The following APLF variants were observed in gnomAD, a reference collection of about 807,000 sequenced individuals.
APLF encodes aprataxin and PNK-like factor.
A neutral mutation model predicts 55.6 loss-of-function variants in APLF; 61 were observed. The ratio of observed to expected loss-of-function variants is 1.10; its 90% CI spans 0.89 to 1.36. The LOEUF is 1.36. Ranked by LOEUF, APLF falls within the 40% of genes most tolerant of loss-of-function variation. APLF has a pLI of 0.00. For missense variants in APLF, 611 were observed against 602.5 expected (o/e 1.01, Z -0.15); for synonymous variants, 207 against 214.8 (o/e 0.96, Z 0.32).
At position 68,518,764 on chromosome 2, in the gene APLF, TTAA is replaced by T. The variant is rs570646064; in HGVS notation, c.622+5090_622+5092del. ...TATATCATTAATATATAATAAAATA[TTAA>T]TAATATATCATTATATAATAAAATA... On this transcript the variant is annotated intron_variant, in intron 5 of 9. Transcript: ENST00000303795. Among the ~76,000 whole-genome samples the T allele has an allele frequency of 7.5e-3, 862 of 115,408 alleles. 10 individuals carry two copies. Among genetic ancestry groups the T allele is most frequent in the African/African-American group, 0.028 (804 of 28,484 alleles). 75.7% of individuals were successfully genotyped at this position (115,408 alleles called of 152,430 possible).
intron 9 of APLF, among the ~76,000 whole-genome samples, chr2:68,567,751 C>T (rs1025430735): frequency 1.5e-4 from 23 of 152,028 alleles, no homozygotes; most frequent in African/African-American, 5.6e-4. Flanking sequence ...TTAATAATGT[C>T]AATAGTGTCC....
At position 68,502,845 on chromosome 2, in the gene APLF, AAAT is replaced by A. The variant is rs2103933461; in HGVS notation, c.285_287del (p.Lys95_Tyr96delinsAsn). 5 of 1,607,150 alleles carry A rather than the reference AAAT, an allele frequency of 3.1e-6. No homozygotes were observed. The highest frequency in any genetic ancestry group is 4.2e-6 in the Non-Finnish European group (5 of 1,177,748). On this transcript the variant is annotated inframe_deletion, in exon 3 of 10. Coordinates refer to ENST00000303795, the MANE Select transcript of APLF (RefSeq NM_173545.3). ...AGACAGCTTTTCTTTGTTAGTTGAC[AAAT>A]ACATTTTCCGCATTCTCTCTATACC...
chr2:68,484,187 C>G (rs1272636379), intron 1 of APLF, among the ~76,000 whole-genome samples: 4 of 151,978 alleles, frequency 2.6e-5, no homozygotes, highest in Non-Finnish European at 5.9e-5. Flanking sequence ...ATAAAGAGTT[C>G]TTTTATGTTT....
chr2:68,554,725 A>G (rs990683604), intron 8 of APLF, among the ~76,000 whole-genome samples: 16 of 151,794 alleles, frequency 1.1e-4, no homozygotes, highest in Admixed American at 2.6e-4. Context: ...TAGAAGAGCT[A>G]CTGATTTGTG....
chr2:68,516,022 A>G (rs773353539), intron 5 of APLF, among the ~76,000 whole-genome samples: 2 of 151,784 alleles, frequency 1.3e-5, no homozygotes, highest in African/African-American at 2.4e-5. Context: ...AGTAACTTTC[A>G]TATGTCTTTT....
rs373946476 is a variant in APLF, at chr2:68,569,574, C to T, written c.1333+2187C>T. On this transcript the variant is annotated intron_variant, in intron 9 of 9. Coordinates refer to ENST00000303795, the MANE Select transcript of APLF (RefSeq NM_173545.3). ...CTAGATTATGGAAGCTCTCAACAGCCAGACCAAAGACATGGGCACTTTGGC... is the reference window on the plus strand; with the variant it reads ...CTAGATTATGGAAGCTCTCAACAGCTAGACCAAAGACATGGGCACTTTGGC... 1.2e-3 allele frequency among the ~76,000 whole-genome samples: 187 copies of T among 152,170 alleles called. 1 individual carries two copies. The highest frequency in any genetic ancestry group is 4.4e-3 in the African/African-American group (184 of 41,532).
intron 7 of APLF, among the ~76,000 whole-genome samples, chr2:68,541,475 G>A (rs1670548167): frequency 6.6e-6 from 1 of 151,990 alleles, no homozygotes; most frequent in Non-Finnish European, 1.5e-5. Context: ...ATGAGCAAAA[G>A]GCACTGCACA....
At chr2:68,481,191 A>G (rs1454929902) in intron 1 of APLF, among the ~76,000 whole-genome samples, 1 of 152,122 alleles carries the variant, frequency 6.6e-6, no homozygotes, top group African/African-American at 2.4e-5. Flanking sequence ...AAGAATTGGT[A>G]TTAGTCTTTT....
chr2:68,545,076 G>A, intron 7 of APLF, 111 bp from the exon 8 acceptor site: 1 of 1,285,862 alleles, frequency 7.8e-7, no homozygotes, highest in Non-Finnish European at 1.1e-6. Context: ...TAGCATGTTG[G>A]TTTATGTTCA....
intron 1 of APLF, among the ~76,000 whole-genome samples, chr2:68,480,535 C>T (rs1675921170): frequency 1.3e-5 from 2 of 151,874 alleles, no homozygotes; most frequent in Non-Finnish European, 2.9e-5. Context: ...AACTCCTGAC[C>T]TTGTGATCCA....
At chr2:68,555,424 T>G (rs970976231) in intron 8 of APLF, among the ~76,000 whole-genome samples, 5 of 152,128 alleles carry the variant, frequency 3.3e-5, no homozygotes, top group Non-Finnish European at 7.4e-5. Context: ...GACAAAGGAC[T>G]AATATCCAGA....
Position 68,578,108 on chromosome 2 carries a change from C to T in APLF, c.*86C>T. On this transcript the variant is annotated 3_prime_UTR_variant, in exon 10 of 10. Transcript: ENST00000303795. Reference sequence around the variant, plus strand: ...ATGAACTAAGGAGGTACTTAAGTGACAGTTATTTTCCTTCTTTTGATAGTT... The same window carrying T: ...ATGAACTAAGGAGGTACTTAAGTGATAGTTATTTTCCTTCTTTTGATAGTT... 6.8e-7 allele frequency: 1 copy of T among 1,478,678 alleles called. No individual in the cohort carries two copies. Among genetic ancestry groups the T allele is most frequent in the Admixed American group, 2.5e-5 (1 of 39,972 alleles). The allele number at this position is 1,478,678 out of a possible 1,614,324, so 91.6% of individuals were successfully genotyped here. A position where few individuals can be genotyped will look rare whatever the true frequency, so the allele number is the denominator to read the frequency against.
At chr2:68,503,036 ATG>A (rs1214003534) in intron 3 of APLF, 133 bp downstream of exon 3, 15 of 875,874 alleles carry the variant, frequency 1.7e-5, no homozygotes, top group Non-Finnish European at 2.2e-5. Context: ...GTGTGTACGC[ATG>A]TGTGTGTGCA....
At chr2:68,515,761 G>C in intron 5 of APLF, 1 of 975,706 alleles carries the variant, frequency 1.0e-6, no homozygotes, top group Non-Finnish European at 1.2e-6. Flanking sequence ...AACTAAGACC[G>C]TGGGAGAAGT....
At chr2:68,477,368 T>C (rs1675812387) in intron 1 of APLF, among the ~76,000 whole-genome samples, 1 of 152,160 alleles carries the variant, frequency 6.6e-6, no homozygotes, top group Non-Finnish European at 1.5e-5. Flanking sequence ...GTGTGGTGGC[T>C]CATGCCTGTA....
intron 8 of APLF, among the ~76,000 whole-genome samples, chr2:68,546,367 A>G (rs1487487029): frequency 6.6e-6 from 1 of 152,058 alleles, no homozygotes; most frequent in African/African-American, 2.4e-5. Context: ...ATTTTTACAC[A>G]GACTACTCCA....
intron 1 of APLF, among the ~76,000 whole-genome samples, chr2:68,484,678 C>T (rs117306208): frequency 0.027 from 3,795 of 142,030 alleles, 67 homozygotes; most frequent in South Asian, 0.042. Context: ...GGCAGCAGAG[C>T]GAAGCTTAGT....
At position 68,579,308 on chromosome 2, in the gene APLF, A is replaced by T; in HGVS notation, c.*1286A>T. ...ATTCTGATTTTTATCTCTTATTGTT[A>T]TTTGGGAACTATTTTTCCCCTTATA... On this transcript the variant is annotated 3_prime_UTR_variant, in exon 10 of 10. Transcript: ENST00000303795. The T allele has an allele frequency of 1.1e-6, 1 of 889,092 alleles. No homozygotes were observed. Among genetic ancestry groups the T allele is most frequent in the South Asian group, 5.2e-5 (1 of 19,266 alleles). The allele number at this position is 889,092 out of a possible 1,614,324, so 55.1% of individuals were successfully genotyped here. A position where few individuals can be genotyped will look rare whatever the true frequency, so the allele number is the denominator to read the frequency against.
intron 3 of APLF, among the ~76,000 whole-genome samples, chr2:68,509,121 G>C (rs1676964226): frequency 6.6e-6 from 1 of 152,072 alleles, no homozygotes; most frequent in Non-Finnish European, 1.5e-5. Context: ...AAAAACCCTA[G>C]AAGAAAACCT....
Sources: allele counts gnomAD v4.1 joint callset (sites outside exome capture counted in the v4.1 genomes callset), GRCh38; gene constraint gnomAD v4.1.1; transcripts MANE v1.5; gene names NCBI Gene and HGNC (gene_info 2026-07-23, HGNC 2026-07-21).